FHOD3: variants seen among roughly 807,000 people sequenced by gnomAD.
FHOD3 encodes the protein formin homology 2 domain containing 3.
A neutral mutation model predicts 173.0 loss-of-function variants in FHOD3; 90 were observed. That is an observed-to-expected ratio of 0.52 (90% CI 0.44 to 0.62). The LOEUF (loss-of-function observed/expected upper bound fraction) is 0.62. FHOD3 is among the 20% of genes least tolerant of loss of function. FHOD3 has a pLI of 0.00. For synonymous variants in FHOD3, 828 were observed against 823.0 expected (o/e 1.01, Z -0.10); for missense variants, 1,945 against 2,034.7 (o/e 0.96, Z 0.85).
intron 3 of FHOD3, among the ~76,000 whole-genome samples, chr18:36,437,420 A>G (rs866763442): frequency 2.6e-4 from 40 of 152,246 alleles, no homozygotes; most frequent in African/African-American, 8.7e-4. Flanking sequence ...TTATGTTTGT[A>G]TTGTCTAATT....
chr18:36,362,611 G>A (rs544551702), intron 2 of FHOD3, among the ~76,000 whole-genome samples: 34 of 152,230 alleles, frequency 2.2e-4, no homozygotes, highest in African/African-American at 7.9e-4. Context: ...TCTGGAGGTC[G>A]TGTCCTGGAG....
chr18:36,397,068 A>G (rs1258848227), intron 3 of FHOD3, among the ~76,000 whole-genome samples: 1 of 152,184 alleles, frequency 6.6e-6, no homozygotes, highest in African/African-American at 2.4e-5. Flanking sequence ...TCCTGGAAGG[A>G]ATCCCTGGGG....
intron 3 of FHOD3, among the ~76,000 whole-genome samples, chr18:36,433,033 G>A (rs2050634121): frequency 6.6e-6 from 1 of 152,158 alleles, no homozygotes; most frequent in Admixed American, 6.6e-5. Flanking sequence ...TCTTGCCCTG[G>A]AAGTACAGTT....
intron 22 of FHOD3, among the ~76,000 whole-genome samples, chr18:36,743,308 CAAAAAAAAAA>C (rs57694311): frequency 1.5e-5 from 1 of 65,876 alleles, no homozygotes; most frequent in Non-Finnish European, 2.7e-5. Flanking sequence ...GACTCTGTCT[CAAAAAAAAAA>C]AAAAAAAAAA....
At chr18:36,540,756 G>A (rs1568402274) in intron 5 of FHOD3, among the ~76,000 whole-genome samples, 1 of 152,122 alleles carries the variant, frequency 6.6e-6, no homozygotes. Flanking sequence ...CAATTCCTGG[G>A]CCTGTAGTTA....
chr18:36,499,435 C>A (rs1163003718), intron 3 of FHOD3, among the ~76,000 whole-genome samples: 1 of 152,180 alleles, frequency 6.6e-6, no homozygotes, highest in Non-Finnish European at 1.5e-5. Context: ...CTGGAATTGG[C>A]TCTTTTCTAC....
intron 3 of FHOD3, among the ~76,000 whole-genome samples, chr18:36,435,506 A>G (rs1453151805): frequency 6.6e-6 from 1 of 152,182 alleles, no homozygotes; most frequent in Non-Finnish European, 1.5e-5. Context: ...GCTAAGAATA[A>G]AAAGCCAATA....
At chr18:36,372,440 G>A (rs1022401265) in intron 2 of FHOD3, among the ~76,000 whole-genome samples, 4 of 152,246 alleles carry the variant, frequency 2.6e-5, no homozygotes, top group Non-Finnish European at 5.9e-5. Context: ...GGAATGAATC[G>A]ATGGAGCTTG....
intron 10 of FHOD3, among the ~76,000 whole-genome samples, chr18:36,648,321 A>G (rs1196033419): frequency 6.6e-6 from 1 of 152,172 alleles, no homozygotes; most frequent in Admixed American, 6.5e-5. Flanking sequence ...TCAGCAAGGC[A>G]AGGGATTGAG....
chr18:36,689,799 T>A (rs1459650288), intron 16 of FHOD3, among the ~76,000 whole-genome samples: 1 of 151,946 alleles, frequency 6.6e-6, no homozygotes, highest in East Asian at 1.9e-4. Flanking sequence ...GGGAACAAAG[T>A]GCAAAGAAAA....
At chr18:36,718,783 A>G in intron 19 of FHOD3, 68 bp downstream of exon 19, 3 of 1,529,740 alleles carry the variant, frequency 2.0e-6, no homozygotes, top group South Asian at 2.6e-5. Context: ...CGTTCTGTAT[A>G]AAATACTATT....
chr18:36,378,767 C>T (rs1219450331), intron 3 of FHOD3, among the ~76,000 whole-genome samples: 2 of 152,132 alleles, frequency 1.3e-5, no homozygotes, highest in Admixed American at 6.5e-5. Context: ...CTGCAACCTC[C>T]GCTTTCCCGG....
intron 3 of FHOD3, among the ~76,000 whole-genome samples, chr18:36,451,276 C>T (rs2144306261): frequency 6.6e-6 from 1 of 152,248 alleles, no homozygotes; most frequent in East Asian, 1.9e-4. Context: ...ACAGGAAAGA[C>T]AGAACTACTT....
chr18:36,645,342 C>A (rs1002566812), intron 10 of FHOD3, among the ~76,000 whole-genome samples: 1 of 152,168 alleles, frequency 6.6e-6, no homozygotes, highest in Non-Finnish European at 1.5e-5. Flanking sequence ...ATCACTTGAA[C>A]TCAGGAATCA....
At chr18:36,636,462 T>C (rs2034889678) in intron 10 of FHOD3, among the ~76,000 whole-genome samples, 2 of 152,278 alleles carry the variant, frequency 1.3e-5, no homozygotes, top group Middle Eastern at 3.4e-3. Flanking sequence ...AAGATGTACA[T>C]TGAAGAGGCC....
chr18:36,673,523 A>T (rs374157295), intron 14 of FHOD3, among the ~76,000 whole-genome samples: 1 of 152,126 alleles, frequency 6.6e-6, no homozygotes, highest in East Asian at 1.9e-4. Context: ...AAGTATTCCT[A>T]ATCACCACTT....
intron 17 of FHOD3, 96 bp from the exon 18 acceptor site, chr18:36,708,999 C>G (rs1600347277): frequency 6.9e-7 from 1 of 1,444,488 alleles, no homozygotes; most frequent in African/African-American, 1.4e-5. Flanking sequence ...GGACATCTGT[C>G]CACCACAGAG....
chr18:36,618,340 G>A (rs2033412093), intron 9 of FHOD3, among the ~76,000 whole-genome samples: 1 of 112,946 alleles, frequency 8.9e-6, no homozygotes. Context: ...TTTTGAGATG[G>A]AGTTTCACTC....
intron 14 of FHOD3, among the ~76,000 whole-genome samples, chr18:36,661,115 AG>A (rs1320481372): frequency 6.6e-6 from 1 of 151,342 alleles, no homozygotes; most frequent in African/African-American, 2.5e-5. Flanking sequence ...ATGTTTTGTA[AG>A]TGGGGGAAAA....
Sources: gnomAD v4.1 joint callset for allele counts (sites outside exome capture counted in the v4.1 genomes callset) on GRCh38, gnomAD v4.1.1 for gene constraint, MANE v1.5 for transcripts, NCBI Gene and HGNC (gene_info 2026-07-23, HGNC 2026-07-21) for gene names.